Variants in MTDH observed in about 807,000 individuals in gnomAD.
MTDH encodes the protein metadherin.
MTDH carries 34 observed loss-of-function variants against 72.7 expected under a neutral mutation model. That is an observed-to-expected ratio of 0.47 (90% CI 0.36 to 0.62). The LOEUF is 0.62. Among genes scored for constraint, MTDH ranks in the 20% least tolerant of loss-of-function variants. The pLI is 0.00. For synonymous variants in MTDH, 266 were observed against 268.9 expected (o/e 0.99, Z 0.10); for missense variants, 677 against 699.4 (o/e 0.97, Z 0.36).
chr8:97,678,590 C>A (rs1213943644), intron 2 of MTDH, among the ~76,000 whole-genome samples: 1 of 123,168 alleles, frequency 8.1e-6, no homozygotes, highest in African/African-American at 3.1e-5. Context: ...TTCCTTCCTT[C>A]CTTCTTTTTT....
chr8:97,708,178 T>C (rs574760865), intron 8 of MTDH, among the ~76,000 whole-genome samples: 3 of 150,808 alleles, frequency 2.0e-5, no homozygotes, highest in African/African-American at 7.3e-5. Context: ...TTGGTCAGGC[T>C]GGTTTCGAAC....
chr8:97,705,771 A>G (rs1814324801), intron 7 of MTDH, among the ~76,000 whole-genome samples: 1 of 152,250 alleles, frequency 6.6e-6, no homozygotes, highest in South Asian at 2.1e-4. Flanking sequence ...GACTATAAGT[A>G]GATTTACAGG....
chr8:97,648,494 CTTT>C (rs34507182), intron 1 of MTDH, among the ~76,000 whole-genome samples: 2 of 144,526 alleles, frequency 1.4e-5, no homozygotes, highest in Admixed American at 6.9e-5. Flanking sequence ...AGAAAATTGT[CTTT>C]TTTTTTTTTT....
At chr8:97,716,545 G>A (rs774393327) in intron 9 of MTDH, among the ~76,000 whole-genome samples, 4 of 151,950 alleles carry the variant, frequency 2.6e-5, no homozygotes, top group Admixed American at 6.6e-5. Flanking sequence ...AAAATTAGCC[G>A]CACGTGGTAG....
At chr8:97,701,884 A>G (rs1220488211) in intron 7 of MTDH, among the ~76,000 whole-genome samples, 1 of 152,250 alleles carries the variant, frequency 6.6e-6, no homozygotes, top group Non-Finnish European at 1.5e-5. Context: ...ATACTTAATC[A>G]AAGTAATATG....
At chr8:97,697,162 TGGACCCA>T (rs1813893350) in intron 6 of MTDH, among the ~76,000 whole-genome samples, 1 of 125,988 alleles carries the variant, frequency 7.9e-6, no homozygotes, top group African/African-American at 3.1e-5. Context: ...TTTTTTTTTG[TGGACCCA>T]GTTTACTAAT....
At chr8:97,689,162 A>C in intron 5 of MTDH, 59 bp downstream of exon 5, 1 of 878,148 alleles carries the variant, frequency 1.1e-6, no homozygotes, top group Non-Finnish European at 1.8e-6. Flanking sequence ...ATTTATATAC[A>C]TACCTCTTTC....
chr8:97,717,287 T>C (rs1468422048), intron 9 of MTDH, among the ~76,000 whole-genome samples: 1 of 152,220 alleles, frequency 6.6e-6, no homozygotes, highest in Non-Finnish European at 1.5e-5. Context: ...TATGGATGCA[T>C]TTGCCAAAGA....
At chr8:97,689,863 A>G (rs1813516501) in intron 5 of MTDH, among the ~76,000 whole-genome samples, 2 of 151,528 alleles carry the variant, frequency 1.3e-5, no homozygotes, top group South Asian at 2.1e-4. Context: ...GCCCACCACC[A>G]TACCTGGCTA....
At chr8:97,644,932 C>T (rs1178807831) in intron 1 of MTDH, 45 bp downstream of exon 1, 3 of 1,482,784 alleles carry the variant, frequency 2.0e-6, no homozygotes, top group Non-Finnish European at 2.7e-6. Flanking sequence ...GAAGGGCGGG[C>T]GTGGAGACCC....
chr8:97,660,033 C>T (rs969752286), intron 1 of MTDH, among the ~76,000 whole-genome samples: 3 of 152,114 alleles, frequency 2.0e-5, no homozygotes, highest in Admixed American at 2.0e-4. Flanking sequence ...GTGGCATGCA[C>T]CTGTAATCTC....
rs2131103511 is a variant in MTDH at position 97,728,077 on chromosome 8, C to G, written c.*3407C>G. On this transcript the variant is annotated 3_prime_UTR_variant, in exon 12 of 12. Transcript: ENST00000336273. Reference sequence around the variant, plus strand: ...GTTTTTCTTAATTAAAAACAGTCCTCTATTAATATAGTGTGAAATATCTTT... The same window carrying G: ...GTTTTTCTTAATTAAAAACAGTCCTGTATTAATATAGTGTGAAATATCTTT... 6.6e-6 allele frequency: 1 copy of G among 152,154 alleles called. No homozygotes were observed. The highest frequency in any genetic ancestry group is 2.4e-5 in the African/African-American group (1 of 41,520). 9.4% of individuals were successfully genotyped at this position (152,154 alleles called of 1,614,324 possible).
Position 97,691,085 on chromosome 8 carries a change from G to A in MTDH, c.945G>A (p.Arg315=). Residue 315 remains arginine, a synonymous_variant, in exon 6 of 12, where the codon AGG becomes AGA. Transcript: ENST00000336273. ...TTTCACCTGCTTCTGCAGGAAAGAGGAAAACTGAGCCATCTGCCTGGAGTC... is the reference window on the plus strand; with the variant it reads ...TTTCACCTGCTTCTGCAGGAAAGAGAAAAACTGAGCCATCTGCCTGGAGTC... The part of the protein sequence containing the change: ...NSVSPASAGK[R]KTEPSAWSQD... 6.2e-7 allele frequency: 1 copy of A among 1,614,148 alleles called. No homozygotes were observed. The highest frequency in any genetic ancestry group is 8.5e-7 in the Non-Finnish European group (1 of 1,180,016).
At chr8:97,659,212 G>T (rs907793707) in intron 1 of MTDH, among the ~76,000 whole-genome samples, 1 of 151,988 alleles carries the variant, frequency 6.6e-6, no homozygotes, top group Non-Finnish European at 1.5e-5. Flanking sequence ...TGTAGATACG[G>T]CCCTAAGTCC....
Position 97,644,382 on chromosome 8 carries a change from G to T in MTDH, c.-125G>T. The T allele has an allele frequency of 7.6e-7, 1 of 1,322,692 alleles. No individual in the cohort carries two copies. The highest frequency in any genetic ancestry group is 9.9e-7 in the Non-Finnish European group (1 of 1,006,104). 81.9% of individuals were successfully genotyped at this position (1,322,692 alleles called of 1,614,324 possible). A position where few individuals can be genotyped will look rare whatever the true frequency, so the allele number is the denominator to read the frequency against. ...AGCGGCCGATCCCCGGCTCCGGCGC[G>T]AGGGACGGCCGCGATGCGCTCGGCC... On this transcript the variant is annotated 5_prime_UTR_variant, in exon 1 of 12. Coordinates refer to ENST00000336273, the MANE Select transcript of MTDH (RefSeq NM_178812.4).
At chr8:97,682,234 A>G (rs1476492537) in intron 2 of MTDH, among the ~76,000 whole-genome samples, 1 of 1,066 alleles carries the variant, frequency 9.4e-4, no homozygotes, top group South Asian at 0.028. Flanking sequence ...ATTACTTTAT[A>G]TATATATATA....
chr8:97,692,028 G>A (rs1586252224), intron 6 of MTDH, among the ~76,000 whole-genome samples: 1 of 151,804 alleles, frequency 6.6e-6, no homozygotes, highest in South Asian at 2.1e-4. Flanking sequence ...TATAGACATG[G>A]CATCACCATA....
At chr8:97,713,923 A>G (rs1417900070) in intron 9 of MTDH, among the ~76,000 whole-genome samples, 154 bp downstream of exon 9, 1 of 152,222 alleles carries the variant, frequency 6.6e-6, no homozygotes, top group Non-Finnish European at 1.5e-5. Flanking sequence ...TCAATACATT[A>G]TATTGTAATA....
chr8:97,708,264 C>CTTTTT lies in MTDH; in HGVS notation c.1272+1545_1272+1549dup, dbSNP rs71271145. On this transcript the variant is annotated intron_variant, in intron 8 of 11. Transcript: ENST00000336273. The stretch of plus-strand genomic sequence containing the variant: ...ACAGGCATGAGCCACCATGCCAGGC[C>CTTTTT]TTTTTTTTTTTTTTTTTTTTTTTTT... 2.5e-3 allele frequency among the ~76,000 whole-genome samples: 79 copies of CTTTTT among 32,076 alleles called. 6 individuals carry two copies. Among genetic ancestry groups the CTTTTT allele is most frequent in the East Asian group, 0.011 (10 of 920 alleles). The allele number at this position is 32,076 out of a possible 152,430, so 21.0% of individuals were successfully genotyped here. A position where few individuals can be genotyped will look rare whatever the true frequency, so the allele number is the denominator to read the frequency against.
Sources: allele counts gnomAD v4.1 joint callset (sites outside exome capture counted in the v4.1 genomes callset), GRCh38; gene constraint gnomAD v4.1.1; transcripts MANE v1.5; gene names NCBI Gene and HGNC (gene_info 2026-07-23, HGNC 2026-07-21).